Variants in BEND5 observed in about 807,000 individuals in gnomAD.
The protein encoded by BEND5 is BEN domain-containing protein 5.
Under a neutral mutation model 43.9 loss-of-function variants are expected in BEND5, and 22 were observed. The observed-to-expected ratio is 0.50, with a 90% CI of 0.36 to 0.72. The LOEUF is 0.72. BEND5 is among the 30% of genes least tolerant of loss of function. The probability of loss-of-function intolerance (pLI) is 0.00; values close to 1 mark genes in which losing one functional copy is unlikely to be tolerated. For synonymous variants in BEND5, 228 were observed against 225.9 expected (o/e 1.01, Z -0.08); for missense variants, 428 against 550.6 (o/e 0.78, Z 2.23).
rs767701984 is a variant in BEND5 at position 48,736,309 on chromosome 1, G to T, written c.1038C>A (p.Val346=). 6.2e-6 allele frequency: 10 copies of T among 1,613,926 alleles called. No homozygotes were observed. The highest frequency in any genetic ancestry group is 1.7e-4 in the Middle Eastern group (1 of 6,060). ...CTGCATCTTTCTTTTTTTTTGTGGCGACGCCTGTGACGCTTCTGTTTTTCA... is the reference window on the plus strand; with the variant it reads ...CTGCATCTTTCTTTTTTTTTGTGGCTACGCCTGTGACGCTTCTGTTTTTCA... The part of the protein sequence containing the change: ...DVLKNRSVTG[V]ATKKKKDAVP... Residue 346 remains valine (V), a synonymous_variant, in exon 5 of 6, where the codon GTC becomes GTA. Coordinates refer to ENST00000371833, the MANE Select transcript of BEND5 (RefSeq NM_024603.4). The surrounding 1 kb of genome is among the most constrained non-coding windows in gnomAD (Gnocchi z 4.0).
intron 5 of BEND5, among the ~76,000 whole-genome samples, chr1:48,729,975 C>A (rs533406292): frequency 1.5e-4 from 23 of 152,256 alleles, no homozygotes; most frequent in African/African-American, 5.5e-4. Context: ...CCTATTCCAC[C>A]TGTCAGGGAC....
chr1:48,750,203 A>G (rs187104989), intron 3 of BEND5, among the ~76,000 whole-genome samples: 226 of 152,266 alleles, frequency 1.5e-3, no homozygotes, highest in African/African-American at 5.0e-3. Flanking sequence ...GCAACTCAGG[A>G]GTTGAAGGAC....
chr1:48,764,676 T>A (rs1644445173), intron 1 of BEND5, among the ~76,000 whole-genome samples: 2 of 152,228 alleles, frequency 1.3e-5, no homozygotes, highest in South Asian at 4.1e-4. Context: ...GGATTCCAAG[T>A]CCAGTTCTGT....
Position 48,736,048 on chromosome 1 carries a change from C to T in BEND5, c.1108+191G>A, listed in dbSNP as rs545837956. 2.1e-4 allele frequency among the ~76,000 whole-genome samples: 32 copies of T among 152,348 alleles called. No individual in the cohort carries two copies. Among genetic ancestry groups the T allele is most frequent in the African/African-American group, 7.5e-4 (31 of 41,582 alleles). On this transcript the variant is annotated intron_variant, in intron 5 of 5. Transcript: ENST00000371833. The surrounding 1 kb of genome is among the most constrained non-coding windows in gnomAD (Gnocchi z 4.0). ...TGGAATATAATCGTACTTGTGTCCA[C>T]AGCTCATCTGCCCTGGTAAATGTGA...
intron 1 of BEND5, among the ~76,000 whole-genome samples, chr1:48,768,251 T>C (rs1183065287): frequency 1.3e-5 from 2 of 152,152 alleles, no homozygotes; most frequent in Non-Finnish European, 2.9e-5. Context: ...CCTAAGAGAA[T>C]ACTGTGATGA....
chr1:48,731,046 A>C (rs560105526), intron 5 of BEND5, among the ~76,000 whole-genome samples: 13 of 152,270 alleles, frequency 8.5e-5, no homozygotes, highest in Non-Finnish European at 1.8e-4. Context: ...AGAAGAAGAA[A>C]TCCTCACCAA....
At chr1:48,754,996 C>T (rs776899897) in intron 3 of BEND5, among the ~76,000 whole-genome samples, 1 of 152,196 alleles carries the variant, frequency 6.6e-6, no homozygotes, top group Non-Finnish European at 1.5e-5. Flanking sequence ...TCTTTCACAA[C>T]TCCATGCCTC....
At chr1:48,771,865 C>T (rs965147890) in intron 1 of BEND5, among the ~76,000 whole-genome samples, 3 of 152,164 alleles carry the variant, frequency 2.0e-5, no homozygotes, top group Non-Finnish European at 4.4e-5. Context: ...GAAGCTATTT[C>T]CCCCAAGTGT....
At chr1:48,742,846 A>G in intron 3 of BEND5, 75 bp from the exon 4 acceptor site, 1 of 1,402,304 alleles carries the variant, frequency 7.1e-7, no homozygotes, top group Non-Finnish European at 9.4e-7. Flanking sequence ...CTAGGCATCT[A>G]TCAGCACACC....
At chr1:48,772,786 C>T (rs1644901524) in intron 1 of BEND5, among the ~76,000 whole-genome samples, 1 of 152,262 alleles carries the variant, frequency 6.6e-6, no homozygotes, top group African/African-American at 2.4e-5. Context: ...CTGATGCTGA[C>T]CTGAATGCAG....
intron 1 of BEND5, among the ~76,000 whole-genome samples, chr1:48,762,893 A>T (rs1644348405): frequency 6.6e-6 from 1 of 152,082 alleles, no homozygotes; most frequent in African/African-American, 2.4e-5. Flanking sequence ...CAGGATGAGG[A>T]CAGGTAGGTA....
At chr1:48,754,622 T>G (rs1159093936) in intron 3 of BEND5, among the ~76,000 whole-genome samples, 1 of 152,078 alleles carries the variant, frequency 6.6e-6, no homozygotes, top group African/African-American at 2.4e-5. Flanking sequence ...ACTTACAATA[T>G]GGGGGTCACG....
chr1:48,731,272 T>TA (rs74636032), intron 5 of BEND5, among the ~76,000 whole-genome samples: 5,990 of 145,858 alleles, frequency 0.041, 396 homozygotes, highest in African/African-American at 0.14. Flanking sequence ...CTGTCTTTAG[T>TA]AAAAAAAAAA....
intron 1 of BEND5, among the ~76,000 whole-genome samples, chr1:48,773,971 A>G (rs1321357358): frequency 4.6e-5 from 7 of 152,264 alleles, no homozygotes; most frequent in Admixed American, 4.6e-4. Flanking sequence ...TACTATGGGC[A>G]GTAAAATGTA....
chr1:48,762,614 T>TTGTGTG lies in BEND5; in HGVS notation c.227-1150_227-1145dup, dbSNP rs58396843. Among the ~76,000 whole-genome samples, 494 of 75,010 alleles carry TTGTGTG rather than the reference T, an allele frequency of 6.6e-3. 6 individuals are homozygous for TTGTGTG. Among genetic ancestry groups the TTGTGTG allele is most frequent in the African/African-American group, 0.015 (384 of 25,246 alleles). The allele number at this position is 75,010 out of a possible 152,430, so 49.2% of individuals were successfully genotyped here. On this transcript the variant is annotated intron_variant, in intron 1 of 5. Transcript: ENST00000371833. ...TAGTTAAATCCAGTCTTTAAGGGTT[T>TTGTGTG]TGTGTGTGTGTGTGTGTGTGTGTGT...
intron 1 of BEND5, among the ~76,000 whole-genome samples, chr1:48,771,987 AGCT>A (rs2148695896): frequency 6.6e-6 from 1 of 152,352 alleles, no homozygotes; most frequent in African/African-American, 2.4e-5. Flanking sequence ...CTGAAAAACA[AGCT>A]GCTGCTGCAG....
intron 1 of BEND5, among the ~76,000 whole-genome samples, chr1:48,763,299 A>G (rs1311681182): frequency 1.3e-5 from 2 of 152,198 alleles, no homozygotes; most frequent in Admixed American, 1.3e-4. Flanking sequence ...CATTGTGCCT[A>G]TAAAACACAT....
At chr1:48,772,040 A>G (rs917895098) in intron 1 of BEND5, among the ~76,000 whole-genome samples, 1 of 152,178 alleles carries the variant, frequency 6.6e-6, no homozygotes, top group African/African-American at 2.4e-5. Context: ...TCAAGCACAA[A>G]AATGCACCTG....
At chr1:48,743,811 C>T (rs753363547) in intron 3 of BEND5, among the ~76,000 whole-genome samples, 4 of 152,186 alleles carry the variant, frequency 2.6e-5, no homozygotes, top group African/African-American at 4.8e-5. Context: ...TTAACACATC[C>T]TAGACTTTGG....
Sources: allele counts gnomAD v4.1 joint callset (sites outside exome capture counted in the v4.1 genomes callset), GRCh38; gene constraint gnomAD v4.1.1; non-coding constraint Gnocchi (gnomAD v3.1); transcripts MANE v1.5; gene names NCBI Gene and HGNC (gene_info 2026-07-23, HGNC 2026-07-21).